Variants in UBE3D observed in about 807,000 individuals in gnomAD.
UBE3D encodes ubiquitin protein ligase E3D.
Under a neutral mutation model 49.6 loss-of-function variants are expected in UBE3D, and 48 were observed. The ratio of observed to expected loss-of-function variants is 0.97; its 90% confidence interval spans 0.77 to 1.23. UBE3D has a LOEUF of 1.23. UBE3D is among the 50% of genes most tolerant of loss of function. The probability of loss-of-function intolerance (pLI) is 0.00; values close to 1 mark genes in which losing one functional copy is unlikely to be tolerated. For synonymous variants in UBE3D, 189 were observed against 174.2 expected (o/e 1.08, Z -0.67); for missense variants, 452 against 468.4 (o/e 0.96, Z 0.32).
chr6:83,036,020 C>CA (rs770802700), intron 5 of UBE3D: 6 of 108,814 alleles, frequency 5.5e-5, no homozygotes, highest in African/African-American at 2.1e-4. Context: ...TTTTGTACTT[C>CA]TTTTTTTTTT....
Position 82,942,847 on chromosome 6 carries a change from C to T in UBE3D, c.1149+14465G>A, listed in dbSNP as rs577928131. ...AGGAGCAGAAATGTGGGGTCTGAGC[C>T]CCCACACAGAGTACCCACTGGGGCA... On this transcript the variant is annotated intron_variant, in intron 9 of 9. Transcript: ENST00000369747. 5.9e-5 allele frequency among the ~76,000 whole-genome samples: 9 copies of T among 152,304 alleles called. No homozygotes were observed. The South Asian group carries it at 1.7e-3, about 28-fold the overall frequency.
intron 9 of UBE3D, among the ~76,000 whole-genome samples, chr6:82,951,368 C>T (rs1199656674): frequency 2.0e-5 from 3 of 152,160 alleles, no homozygotes; most frequent in Non-Finnish European, 2.9e-5. Flanking sequence ...AAAATTCTAT[C>T]CATACCATTT....
At chr6:83,064,415 A>G (rs1390527269) in intron 1 of UBE3D, among the ~76,000 whole-genome samples, 1 of 152,020 alleles carries the variant, frequency 6.6e-6, no homozygotes, top group Non-Finnish European at 1.5e-5. Context: ...TTTAGTAGAG[A>G]CAGGGTTTCA....
At chr6:82,938,745 A>G (rs916252826) in intron 9 of UBE3D, 1 of 152,078 alleles carries the variant, frequency 6.6e-6, no homozygotes, top group South Asian at 2.1e-4. Flanking sequence ...TATCATACAC[A>G]CTTTTGGATG....
rs575791622 is a variant in UBE3D, at chr6:82,916,153, C to T, written c.1150-23111G>A. ...TAATATTCTTATTACACAGATAAGA[C>T]ATCTTCCCTGAGGTCCTGTGGCCAG... is the stretch of plus-strand genomic sequence containing the variant. On this transcript the variant is annotated intron_variant, in intron 9 of 9. Transcript: ENST00000369747. Among the ~76,000 whole-genome samples, 5 of 152,244 alleles carry T rather than the reference C, an allele frequency of 3.3e-5. No individual in the cohort carries two copies. In the South Asian group the frequency reaches 1.0e-3, roughly 32 times the overall value.
At chr6:83,013,509 C>T (rs1443882170) in intron 8 of UBE3D, among the ~76,000 whole-genome samples, 4 of 152,196 alleles carry the variant, frequency 2.6e-5, no homozygotes, top group Admixed American at 6.5e-5. Flanking sequence ...GAGCCTTCTC[C>T]TGTTCTGGAC....
At chr6:83,037,381 T>C (rs1179202508) in intron 5 of UBE3D, 1 of 152,222 alleles carries the variant, frequency 6.6e-6, no homozygotes, top group African/African-American at 2.4e-5. Context: ...ATTCCTTAAC[T>C]GACATTTTAA....
intron 8 of UBE3D, among the ~76,000 whole-genome samples, chr6:83,007,591 T>G (rs1307415200): frequency 6.6e-6 from 1 of 152,220 alleles, no homozygotes; most frequent in East Asian, 1.9e-4. Flanking sequence ...CATAAACATT[T>G]ATATTTTTTG....
chr6:83,055,750 A>T (rs563398703), intron 2 of UBE3D, among the ~76,000 whole-genome samples: 83 of 152,334 alleles, frequency 5.4e-4, no homozygotes, highest in African/African-American at 2.0e-3. Context: ...TGTTTACTAT[A>T]GTTGTCCTTA....
At chr6:83,031,254 C>G (rs1432977191) in intron 5 of UBE3D, among the ~76,000 whole-genome samples, 1 of 152,242 alleles carries the variant, frequency 6.6e-6, no homozygotes, top group East Asian at 1.9e-4. Context: ...AGTGATCCAC[C>G]TGCCTCGGCC....
chr6:82,974,931 G>T (rs907934936), intron 8 of UBE3D, among the ~76,000 whole-genome samples: 1 of 152,036 alleles, frequency 6.6e-6, no homozygotes, highest in African/African-American at 2.4e-5. Context: ...GGGTAGCCTA[G>T]GGTATAGGAA....
chr6:82,941,986 A>G (rs1313906526), intron 9 of UBE3D, among the ~76,000 whole-genome samples: 1 of 152,184 alleles, frequency 6.6e-6, no homozygotes, highest in African/African-American at 2.4e-5. Flanking sequence ...CTATAAATAT[A>G]CCCAAAACGT....
intron 8 of UBE3D, among the ~76,000 whole-genome samples, chr6:83,003,591 T>G (rs573021831): frequency 5.3e-5 from 8 of 152,338 alleles, no homozygotes; most frequent in African/African-American, 1.9e-4. Flanking sequence ...GTGAACATCA[T>G]GGAGTGTACT....
chr6:82,994,298 A>G (rs1162761711), intron 8 of UBE3D, among the ~76,000 whole-genome samples: 1 of 152,196 alleles, frequency 6.6e-6, no homozygotes, highest in Non-Finnish European at 1.5e-5. Flanking sequence ...TCTAATTGAA[A>G]TAGAAAGTTT....
chr6:82,967,084 C>T (rs1327834875), intron 8 of UBE3D, among the ~76,000 whole-genome samples: 2 of 152,056 alleles, frequency 1.3e-5, no homozygotes, highest in African/African-American at 2.4e-5. Context: ...TTTACTCTGT[C>T]GAGCTGGCAT....
chr6:82,943,817 G>C (rs1455854502), intron 9 of UBE3D, among the ~76,000 whole-genome samples: 4 of 151,872 alleles, frequency 2.6e-5, no homozygotes, highest in Admixed American at 1.3e-4. Context: ...CTCTTGAAGG[G>C]GGAGAGTGCA....
chr6:82,950,925 C>T (rs1027906233), intron 9 of UBE3D, among the ~76,000 whole-genome samples: 1 of 149,554 alleles, frequency 6.7e-6, no homozygotes, highest in African/African-American at 2.5e-5. Context: ...TTCATGGAGA[C>T]AGAGAGTAGA....
chr6:83,016,872 T>C (rs951314214), intron 8 of UBE3D, among the ~76,000 whole-genome samples: 12 of 152,150 alleles, frequency 7.9e-5, no homozygotes, highest in African/African-American at 2.4e-4. Context: ...GAGAAAGATG[T>C]AGGCTGGGAG....
chr6:82,938,534 G>GA (rs1488969104), intron 9 of UBE3D: 3 of 152,286 alleles, frequency 2.0e-5, no homozygotes, highest in Admixed American at 2.0e-4. Context: ...ACACAAACTT[G>GA]ATGACAACTA....
Sources: gnomAD v4.1 joint callset for allele counts (sites outside exome capture counted in the v4.1 genomes callset) on GRCh38, gnomAD v4.1.1 for gene constraint, MANE v1.5 for transcripts, NCBI Gene and HGNC (gene_info 2026-07-23, HGNC 2026-07-21) for gene names.